Variants in KIF1A observed in about 807,000 individuals in gnomAD.
The protein encoded by KIF1A is kinesin family member 1A.
A neutral mutation model predicts 227.3 loss-of-function variants in KIF1A; 46 were observed. The ratio of observed to expected loss-of-function variants is 0.20; its 90% CI spans 0.16 to 0.26. The LOEUF (loss-of-function observed/expected upper bound fraction) is 0.26. Ranked by LOEUF, KIF1A falls within the 10% of genes least tolerant of loss-of-function variation. The probability of loss-of-function intolerance (pLI) is 1.00; values close to 1 mark genes in which losing one functional copy is unlikely to be tolerated. For missense variants in KIF1A, 1,683 were observed against 2,485.9 expected (o/e 0.68, Z 6.87); for synonymous variants, 1,022 against 1,012.8 (o/e 1.01, Z -0.17).
intron 12 of KIF1A, 142 bp from the exon 13 acceptor site, chr2:240,773,398 G>T (rs978077270): frequency 2.0e-6 from 2 of 999,950 alleles, no homozygotes; most frequent in African/African-American, 3.2e-5. Flanking sequence ...AGCACAGCCT[G>T]GCACAGAGTG....
In KIF1A at chr2:240,783,749, G is replaced by A. The variant is rs868837727; in HGVS notation, c.788C>T (p.Thr263Met). 8.3e-6 allele frequency: 13 copies of A among 1,575,074 alleles called. No individual in the cohort carries two copies. Among genetic ancestry groups the A allele is most frequent in the Non-Finnish European group, 9.5e-6 (11 of 1,160,404 alleles). Residue 263 changes from threonine (T) to methionine (M), a missense_variant, in exon 8 of 49, where the codon ACG becomes ATG. Thr to Met is a moderately conservative substitution (Grantham distance 81). Transcript: ENST00000498729. ...ERADSTGAKG[T>M]RLKEGANINK... is the part of the protein sequence containing the mutation. ...CGGCCTGGCCCCTACCTTGAGGCGC[G>A]TGCCCTTGGCTCCCGTGGAGTCAGC... is the stretch of plus-strand genomic sequence containing the variant.
intron 2 of KIF1A, among the ~76,000 whole-genome samples, chr2:240,796,845 G>A (rs748219162): frequency 7.2e-5 from 11 of 152,158 alleles, no homozygotes; most frequent in Admixed American, 2.6e-4. Context: ...AGCAGGCCTC[G>A]GAGACTAAAC....
chr2:240,717,665 C>A (rs1246010281), intron 48 of KIF1A, among the ~76,000 whole-genome samples: 1 of 152,240 alleles, frequency 6.6e-6, no homozygotes, highest in African/African-American at 2.4e-5. Flanking sequence ...CCCAAGGGCA[C>A]ACGGTTTCCC....
intron 28 of KIF1A, among the ~76,000 whole-genome samples, chr2:240,749,488 T>C (rs761408736): frequency 7.9e-5 from 12 of 152,206 alleles, no homozygotes; most frequent in Non-Finnish European, 1.6e-4. Context: ...ACTCCCTCCC[T>C]AGGGTGCCCA....
In KIF1A at chr2:240,725,318, G is replaced by A. The variant is rs1490735098; in HGVS notation, c.4209C>T (p.Arg1403=). The A allele has an allele frequency of 6.2e-7, 1 of 1,610,822 alleles. No homozygotes were observed. The highest frequency in any genetic ancestry group is 1.7e-5 in the Admixed American group (1 of 59,732). ...CACTGCCAAAGAGGTTGCGGATGGA[G>A]CGCGAGGCTGGCAGCTTGGCATCAC... ...YSRDAKLPAS[R]SIRNLFGSGS... is the part of the protein sequence containing the mutation. The change falls in exon 40 of 49, where the codon CGC becomes CGT. Residue 1403 remains arginine, a synonymous_variant. Coordinates refer to ENST00000498729, the MANE Select transcript of KIF1A (RefSeq NM_001244008.2). The surrounding 1 kb of genome is among the most constrained non-coding windows in gnomAD (Gnocchi z 5.8).
In KIF1A at chr2:240,772,605, G is replaced by C; in HGVS notation, c.1181-9C>G. 6.5e-7 allele frequency: 1 copy of C among 1,543,602 alleles called. No homozygotes were observed. The highest frequency in any genetic ancestry group is 2.4e-5 in the East Asian group (1 of 40,862). Reference sequence around the variant, plus strand: ...TCCAGGCACAGTGTTGGCTATGGGGGAGGGAAGCGTGGGGGAGGGGGAGAG... The same window carrying C: ...TCCAGGCACAGTGTTGGCTATGGGGCAGGGAAGCGTGGGGGAGGGGGAGAG... On this transcript the variant is annotated splice_polypyrimidine_tract_variant and intron_variant, in intron 13 of 48. Transcript: ENST00000498729.
intron 27 of KIF1A, among the ~76,000 whole-genome samples, chr2:240,751,044 T>C (rs541037676): frequency 2.6e-5 from 4 of 151,890 alleles, no homozygotes; most frequent in Non-Finnish European, 4.4e-5. Flanking sequence ...CGAGGTGAGT[T>C]GGCCAAGATG....
Position 240,717,604 on chromosome 2 carries a change from C to T in KIF1A, c.5334-198G>A, listed in dbSNP as rs149656076. 7.7e-4 allele frequency among the ~76,000 whole-genome samples: 117 copies of T among 152,286 alleles called. 2 individuals are homozygous for T. In the East Asian group the frequency reaches 0.021, roughly 28 times the overall value. On this transcript the variant is annotated intron_variant, in intron 48 of 48. Coordinates refer to ENST00000498729, the MANE Select transcript of KIF1A (RefSeq NM_001244008.2). ...TCAGCCCGCCCATCCCCTCCTGCAC[C>T]CCGCTTTTCACATCCCTGCTGTGGG...
chr2:240,732,338 G>A (rs2046793554), intron 38 of KIF1A, among the ~76,000 whole-genome samples: 1 of 143,082 alleles, frequency 7.0e-6, no homozygotes, highest in South Asian at 2.4e-4. Context: ...AGGGGGTGAA[G>A]GAGTGAGGGA....
intron 1 of KIF1A, among the ~76,000 whole-genome samples, chr2:240,808,110 T>G (rs1375295447): frequency 6.6e-6 from 1 of 152,238 alleles, no homozygotes; most frequent in Non-Finnish European, 1.5e-5. Flanking sequence ...GCTTGCTATC[T>G]CTACTTCTAT....
chr2:240,726,975 G>T lies in KIF1A; in HGVS notation c.4008-35C>A. ...AGCAGAGACAAAGTAGAAGTTGATG[G>T]CGTGGGGGCTGCTTTCAGCCAGGCC... On this transcript the variant is annotated intron_variant, in intron 38 of 48. Transcript: ENST00000498729. This position sits in a 1 kb window ranked among gnomAD's most constrained non-coding sequence, Gnocchi z 5.2. 1 of 1,324,340 alleles carries T rather than the reference G, an allele frequency of 7.6e-7. No homozygotes were observed. Among genetic ancestry groups the T allele is most frequent in the Non-Finnish European group, 1.1e-6 (1 of 935,408 alleles). 82.0% of individuals were successfully genotyped at this position (1,324,340 alleles called of 1,614,324 possible).
chr2:240,762,996 G>T, intron 22 of KIF1A, 23 bp downstream of exon 22: 1 of 1,451,108 alleles, frequency 6.9e-7, no homozygotes, highest in Non-Finnish European at 9.1e-7. Context: ...GCTGGGCAGG[G>T]AGGGCGGGGC....
In KIF1A at chr2:240,719,942, A is replaced by C; in HGVS notation, c.4869-16T>G. 6.3e-7 allele frequency: 1 copy of C among 1,596,988 alleles called. No homozygotes were observed. Among genetic ancestry groups the C allele is most frequent in the Non-Finnish European group, 8.5e-7 (1 of 1,172,910 alleles). On this transcript the variant is annotated splice_polypyrimidine_tract_variant and intron_variant, in intron 45 of 48. Coordinates refer to ENST00000498729, the MANE Select transcript of KIF1A (RefSeq NM_001244008.2). ...CTGCGGGGTCCTGGGAAGCAGAGGG[A>C]AGTGCTGCCCACTGCAGGCCTCCCT...
At position 240,740,478 on chromosome 2, in the gene KIF1A, G is replaced by T; in HGVS notation, c.3750-114C>A. On this transcript the variant is annotated intron_variant, in intron 35 of 48. Coordinates refer to ENST00000498729, the MANE Select transcript of KIF1A (RefSeq NM_001244008.2). The surrounding 1 kb of genome is among the most constrained non-coding windows in gnomAD (Gnocchi z 6.1). ...AGGGAAAAGTCAGCAGCTCCCTCTG[G>T]TGAAGATCAGGTGGTCTGATCCATG... is the stretch of plus-strand genomic sequence containing the variant. 2.4e-6 allele frequency: 2 copies of T among 841,746 alleles called. No individual in the cohort carries two copies. The highest frequency in any genetic ancestry group is 1.6e-5 in the South Asian group (1 of 64,112). 52.1% of individuals were successfully genotyped at this position (841,746 alleles called of 1,614,324 possible). A position where few individuals can be genotyped will look rare whatever the true frequency, so the allele number is the denominator to read the frequency against.
chr2:240,807,491 C>T (rs1228643745), intron 1 of KIF1A, among the ~76,000 whole-genome samples: 1 of 152,144 alleles, frequency 6.6e-6, no homozygotes, highest in Non-Finnish European at 1.5e-5. Context: ...ATACCTAATA[C>T]AATGTGAATG....
At chr2:240,762,635 G>A in intron 23 of KIF1A, 84 bp downstream of exon 23, 1 of 1,399,094 alleles carries the variant, frequency 7.1e-7, no homozygotes. Flanking sequence ...GCTGACCAGT[G>A]ACCTCCAGGG....
intron 43 of KIF1A, 136 bp from the exon 44 acceptor site, chr2:240,722,020 C>A: frequency 2.9e-6 from 2 of 683,968 alleles, no homozygotes; most frequent in Non-Finnish European, 5.1e-6. Flanking sequence ...TCAAGGTGGG[C>A]AGCACCTCCA....
At chr2:240,812,264 G>A (rs560962611) in intron 1 of KIF1A, among the ~76,000 whole-genome samples, 99 of 152,332 alleles carry the variant, frequency 6.5e-4, no homozygotes, top group Non-Finnish European at 1.2e-3. Flanking sequence ...AGGGGGCTGG[G>A]GGTGGCACCA....
chr2:240,767,062 A>G lies in KIF1A; in HGVS notation c.1578-41T>C, dbSNP rs1374962944. Reference sequence around the variant, plus strand: ...ACCATCAGCACGGCAGCTGGGACCCAATACACCCAGGACGCCACCCACTGG... The same window carrying G: ...ACCATCAGCACGGCAGCTGGGACCCGATACACCCAGGACGCCACCCACTGG... On this transcript the variant is annotated intron_variant, in intron 18 of 48. Transcript: ENST00000498729. 9 of 1,495,090 alleles carry G rather than the reference A, an allele frequency of 6.0e-6. 1 individual carries two copies. In the South Asian group the frequency reaches 9.5e-5, roughly 16 times the overall value. 92.6% of individuals were successfully genotyped at this position (1,495,090 alleles called of 1,614,324 possible).
Sources: allele counts gnomAD v4.1 joint callset (sites outside exome capture counted in the v4.1 genomes callset), GRCh38; gene constraint gnomAD v4.1.1; non-coding constraint Gnocchi (gnomAD v3.1); transcripts MANE v1.5; gene names NCBI Gene and HGNC (gene_info 2026-07-23, HGNC 2026-07-21).